Variants in MECOM observed in about 807,000 individuals in gnomAD.
MECOM encodes the protein histone-lysine N-methyltransferase MECOM.
MECOM carries 13 observed loss-of-function variants against 116.3 expected under a neutral mutation model. The observed-to-expected ratio is 0.11, with a 90% CI of 0.07 to 0.18. The LOEUF (loss-of-function observed/expected upper bound fraction) is 0.18. MECOM is among the 10% of genes least tolerant of loss of function. The pLI is 1.00. For missense variants in MECOM, 1,299 were observed against 1,509.0 expected (o/e 0.86, Z 2.31); for synonymous variants, 528 against 535.2 (o/e 0.99, Z 0.19).
intron 1 of MECOM, among the ~76,000 whole-genome samples, chr3:169,398,325 A>G (rs1735321306): frequency 6.6e-6 from 1 of 152,196 alleles, no homozygotes; most frequent in African/African-American, 2.4e-5. Context: ...GGGCACATAA[A>G]TAATAATATA....
chr3:169,652,099 G>T (rs2110086497), intron 1 of MECOM, among the ~76,000 whole-genome samples: 1 of 152,120 alleles, frequency 6.6e-6, no homozygotes, highest in African/African-American at 2.4e-5. Context: ...CTGAAAAAAT[G>T]GTTGAACCCC....
At chr3:169,386,630 C>T (rs1733363315) in intron 1 of MECOM, among the ~76,000 whole-genome samples, 1 of 152,118 alleles carries the variant, frequency 6.6e-6, no homozygotes, top group African/African-American at 2.4e-5. Context: ...AACAGCTGAA[C>T]TACTTCCATG....
intron 5 of MECOM, among the ~76,000 whole-genome samples, chr3:169,127,255 T>C (rs1420474): frequency 0.96 from 145,622 of 152,178 alleles, 69,716 homozygotes; most frequent in East Asian, 0.99. Context: ...ATATAATTTT[T>C]ATTGTGTTAA....
chr3:169,205,781 A>G (rs1227576814), intron 2 of MECOM, among the ~76,000 whole-genome samples: 1 of 152,186 alleles, frequency 6.6e-6, no homozygotes, highest in East Asian at 1.9e-4. Flanking sequence ...AATTGAATGA[A>G]TTTTAGAAAT....
Position 169,193,383 on chromosome 3 carries a change from G to A in MECOM, c.376-49551C>T, listed in dbSNP as rs1043040455. 1.4e-4 allele frequency among the ~76,000 whole-genome samples: 21 copies of A among 151,942 alleles called. No individual in the cohort carries two copies. In the South Asian group the frequency reaches 2.1e-3, roughly 15 times the overall value. On this transcript the variant is annotated intron_variant, in intron 2 of 16. Coordinates refer to ENST00000651503, the MANE Select transcript of MECOM (RefSeq NM_004991.4). ...CATTTGTTGAACATCACTGGAATTC[G>A]GAGTGAGCTAATATCAGAAGACATT...
chr3:169,450,562 T>C (rs1463358075), intron 1 of MECOM, among the ~76,000 whole-genome samples: 3 of 143,688 alleles, frequency 2.1e-5, no homozygotes, highest in Non-Finnish European at 1.5e-5. Context: ...CAACAGCAGC[T>C]TACATCTTCA....
At chr3:169,147,668 TC>T in intron 2 of MECOM, 2 of 985,400 alleles carry the variant, frequency 2.0e-6, no homozygotes, top group Non-Finnish European at 1.2e-6. Context: ...AGGATTTCTT[TC>T]CCCAGGGAAA....
intron 5 of MECOM, among the ~76,000 whole-genome samples, chr3:169,124,145 G>T (rs189764721): frequency 6.6e-6 from 1 of 152,190 alleles, no homozygotes; most frequent in African/African-American, 2.4e-5. Flanking sequence ...ACTTCGGGTA[G>T]AAATAAATGG....
chr3:169,146,468 G>C, intron 2 of MECOM: 2 of 1,384,502 alleles, frequency 1.4e-6, no homozygotes, highest in African/African-American at 1.4e-5. Context: ...AGCCGGCAGA[G>C]AAACCCACCG....
chr3:169,516,975 T>C (rs1329970719), intron 1 of MECOM, among the ~76,000 whole-genome samples: 1 of 152,202 alleles, frequency 6.6e-6, no homozygotes, highest in Admixed American at 6.5e-5. Flanking sequence ...ATATACTTTG[T>C]GGCATGAGCA....
intron 2 of MECOM, among the ~76,000 whole-genome samples, chr3:169,380,122 T>C (rs936593894): frequency 1.9e-4 from 29 of 152,176 alleles, no homozygotes; most frequent in African/African-American, 6.8e-4. Flanking sequence ...AATTAAGTCC[T>C]GAAGGCACTG....
At chr3:169,263,659 G>C (rs752272590) in intron 2 of MECOM, among the ~76,000 whole-genome samples, 1 of 152,008 alleles carries the variant, frequency 6.6e-6, no homozygotes, top group East Asian at 1.9e-4. Context: ...AAAATTTTGA[G>C]TTCATTGTCT....
At chr3:169,453,202 C>T (rs907678656) in intron 1 of MECOM, among the ~76,000 whole-genome samples, 2 of 152,190 alleles carry the variant, frequency 1.3e-5, no homozygotes, top group African/African-American at 2.4e-5. Flanking sequence ...CCTGCAATGG[C>T]TGCATGACAG....
Position 169,330,802 on chromosome 3 carries a change from C to T in MECOM, c.375+50385G>A, listed in dbSNP as rs139471733. ...ACATTTTCATTTAAGTAATATCTTC[C>T]ATTATAAAAAGACATTTTACTGAAC... On this transcript the variant is annotated intron_variant, in intron 2 of 16. Coordinates refer to ENST00000651503, the MANE Select transcript of MECOM (RefSeq NM_004991.4). Among the ~76,000 whole-genome samples the T allele has an allele frequency of 4.4e-3, 665 of 151,876 alleles. 3 individuals are homozygous for T. The highest frequency in any genetic ancestry group is 0.015 in the African/African-American group (605 of 41,432).
At chr3:169,627,426 A>C (rs964830602) in intron 1 of MECOM, among the ~76,000 whole-genome samples, 1 of 152,236 alleles carries the variant, frequency 6.6e-6, no homozygotes, top group South Asian at 2.1e-4. Flanking sequence ...GCTTTTCTAC[A>C]CTGCATGAAA....
intron 2 of MECOM, among the ~76,000 whole-genome samples, chr3:169,373,332 T>C (rs532048753): frequency 1.3e-5 from 2 of 152,120 alleles, no homozygotes; most frequent in East Asian, 3.9e-4. Flanking sequence ...ATAAATTATA[T>C]TTTCAAAAGT....
intron 2 of MECOM, among the ~76,000 whole-genome samples, chr3:169,378,814 G>A (rs1731890231): frequency 6.6e-6 from 1 of 152,030 alleles, no homozygotes; most frequent in Admixed American, 6.6e-5. Context: ...ATGATAGGCT[G>A]AGTTTCCATT....
At chr3:169,303,887 G>A (rs368405488) in intron 2 of MECOM, among the ~76,000 whole-genome samples, 2 of 152,186 alleles carry the variant, frequency 1.3e-5, no homozygotes, top group East Asian at 3.9e-4. Flanking sequence ...AGGAAGAAAA[G>A]GATGAGCTTC....
chr3:169,181,437 A>G (rs73879026), intron 2 of MECOM, among the ~76,000 whole-genome samples: 131 of 152,306 alleles, frequency 8.6e-4, no homozygotes, highest in African/African-American at 3.1e-3. Flanking sequence ...AGAAAGTCCT[A>G]TTTCTCAGCA....
Sources: allele counts gnomAD v4.1 joint callset (sites outside exome capture counted in the v4.1 genomes callset), GRCh38; gene constraint gnomAD v4.1.1; transcripts MANE v1.5; gene names NCBI Gene and HGNC (gene_info 2026-07-23, HGNC 2026-07-21).